The following PCDH9 variants were observed in gnomAD, a reference collection of about 807,000 sequenced individuals.
PCDH9 encodes the protein protocadherin-9.
In PCDH9, 24 loss-of-function variants were observed where a neutral mutation model predicts 70.6. That is an observed-to-expected ratio of 0.34 (90% CI 0.25 to 0.48). The LOEUF is 0.48. Among genes scored for constraint, PCDH9 ranks in the 20% least tolerant of loss-of-function variants. The pLI is 0.99. For synonymous variants in PCDH9, 562 were observed against 558.5 expected (o/e 1.01, Z -0.09); for missense variants, 1,281 against 1,503.6 (o/e 0.85, Z 2.45).
At chr13:66,748,934 C>T (rs890750828) in intron 3 of PCDH9, among the ~76,000 whole-genome samples, 29 of 152,144 alleles carry the variant, frequency 1.9e-4, no homozygotes, top group Admixed American at 1.4e-3. Flanking sequence ...AAGTCCCCCA[C>T]CCCATGCTGT....
intron 3 of PCDH9, among the ~76,000 whole-genome samples, chr13:66,780,901 G>C (rs1393806497): frequency 6.6e-6 from 1 of 152,072 alleles, no homozygotes; most frequent in Non-Finnish European, 1.5e-5. Context: ...TTAACCTGCT[G>C]TTTAGAAGAC....
intron 3 of PCDH9, among the ~76,000 whole-genome samples, chr13:66,885,365 C>G (rs1274827719): frequency 6.6e-6 from 1 of 152,080 alleles, no homozygotes; most frequent in East Asian, 1.9e-4. Flanking sequence ...AAATATGTAT[C>G]TCTAAAATGC....
At chr13:66,576,957 CTATA>C (rs1458755905) in intron 4 of PCDH9, among the ~76,000 whole-genome samples, 2 of 151,766 alleles carry the variant, frequency 1.3e-5, no homozygotes, top group Non-Finnish European at 2.9e-5. Flanking sequence ...TAATATCAAA[CTATA>C]TATGTCTGTG....
intron 2 of PCDH9, among the ~76,000 whole-genome samples, chr13:67,105,585 T>C (rs1365516955): frequency 6.6e-6 from 1 of 152,138 alleles, no homozygotes; most frequent in Non-Finnish European, 1.5e-5. Flanking sequence ...ACATGATTTT[T>C]ATGAGTGATA....
intron 4 of PCDH9, among the ~76,000 whole-genome samples, chr13:66,581,249 A>T (rs1453860218): frequency 2.6e-5 from 4 of 152,178 alleles, no homozygotes; most frequent in Non-Finnish European, 5.9e-5. Context: ...AAGCAAATCA[A>T]AGTTTTAAAA....
At chr13:67,107,692 T>C (rs1188053545) in intron 2 of PCDH9, among the ~76,000 whole-genome samples, 1 of 152,180 alleles carries the variant, frequency 6.6e-6, no homozygotes, top group Admixed American at 6.5e-5. Flanking sequence ...TCATTCTTCC[T>C]GGACATGAGA....
chr13:67,095,536 T>A (rs1266224220), intron 2 of PCDH9, among the ~76,000 whole-genome samples: 2 of 152,250 alleles, frequency 1.3e-5, no homozygotes, highest in East Asian at 3.9e-4. Flanking sequence ...GTTTGACAGG[T>A]ATGAAAATAT....
intron 2 of PCDH9, among the ~76,000 whole-genome samples, chr13:67,200,639 G>T (rs963513793): frequency 4.6e-5 from 7 of 151,970 alleles, no homozygotes; most frequent in African/African-American, 1.5e-4. Context: ...AGCACAAAAG[G>T]GTTTAACAGA....
intron 2 of PCDH9, chr13:67,212,577 G>A (rs1406084336): frequency 6.6e-6 from 1 of 152,066 alleles, no homozygotes; most frequent in East Asian, 1.9e-4. Context: ...CATATGACAA[G>A]GTCTTTGGCA....
At chr13:67,101,936 G>A (rs2086443870) in intron 2 of PCDH9, among the ~76,000 whole-genome samples, 1 of 152,142 alleles carries the variant, frequency 6.6e-6, no homozygotes, top group Non-Finnish European at 1.5e-5. Flanking sequence ...TTGAGTAATT[G>A]AAAATTTCTA....
intron 2 of PCDH9, among the ~76,000 whole-genome samples, chr13:67,104,567 G>C (rs1187044594): frequency 7.5e-6 from 1 of 133,586 alleles, no homozygotes; most frequent in Middle Eastern, 3.8e-3. Context: ...TTTTTTTTTT[G>C]AGACGGAGTC....
At chr13:66,685,461 AG>A (rs1352089734) in intron 3 of PCDH9, among the ~76,000 whole-genome samples, 1 of 152,214 alleles carries the variant, frequency 6.6e-6, no homozygotes, top group Non-Finnish European at 1.5e-5. Context: ...AGTTTGCTGC[AG>A]GGGTGGAGCC....
intron 2 of PCDH9, among the ~76,000 whole-genome samples, chr13:67,000,011 C>T (rs1434708131): frequency 5.9e-5 from 9 of 152,108 alleles, no homozygotes; most frequent in Middle Eastern, 3.4e-3. Flanking sequence ...TAAATCATGC[C>T]GCTATAAAGA....
chr13:66,427,840 G>T (rs971157991), intron 4 of PCDH9, among the ~76,000 whole-genome samples: 2 of 151,396 alleles, frequency 1.3e-5, no homozygotes, highest in Non-Finnish European at 3.0e-5. Flanking sequence ...TAAAGTGTTC[G>T]GTTAGTCATT....
At position 67,010,228 on chromosome 13, in the gene PCDH9, G is replaced by C. The variant is rs187401059; in HGVS notation, c.3037-106623C>G. On this transcript the variant is annotated intron_variant, in intron 2 of 4. Coordinates refer to ENST00000377865, the MANE Select transcript of PCDH9 (RefSeq NM_203487.3). ...TTGTTTTAAGATAAAACTGAACCTA[G>C]AAATGTTGATAAGTTCCTTAAAGTC... Among the ~76,000 whole-genome samples, 278 of 151,956 alleles carry C rather than the reference G, an allele frequency of 1.8e-3. 1 individual carries two copies. Among genetic ancestry groups the C allele is most frequent in the African/African-American group, 6.1e-3 (254 of 41,510 alleles).
At chr13:66,981,990 A>G (rs1350426384) in intron 2 of PCDH9, among the ~76,000 whole-genome samples, 1 of 152,162 alleles carries the variant, frequency 6.6e-6, no homozygotes. Flanking sequence ...GTAATCACCA[A>G]TGCTGGAGGT....
intron 4 of PCDH9, among the ~76,000 whole-genome samples, chr13:66,394,834 A>G (rs1957075312): frequency 1.3e-5 from 2 of 152,226 alleles, no homozygotes; most frequent in Admixed American, 1.3e-4. Context: ...ACAGGAGATG[A>G]CAGAGTATAG....
intron 2 of PCDH9, among the ~76,000 whole-genome samples, chr13:67,189,763 AG>A (rs2088859946): frequency 6.6e-6 from 1 of 152,048 alleles, no homozygotes; most frequent in African/African-American, 2.4e-5. Flanking sequence ...TGAAGGAGAA[AG>A]CCATTTGACA....
At chr13:66,846,927 T>C (rs2081222246) in intron 3 of PCDH9, among the ~76,000 whole-genome samples, 1 of 150,324 alleles carries the variant, frequency 6.7e-6, no homozygotes, top group South Asian at 2.1e-4. Flanking sequence ...ACAGAGTATA[T>C]CACTAAATCC....
Sources: gnomAD v4.1 joint callset for allele counts (sites outside exome capture counted in the v4.1 genomes callset) on GRCh38, gnomAD v4.1.1 for gene constraint, MANE v1.5 for transcripts, NCBI Gene and HGNC (gene_info 2026-07-23, HGNC 2026-07-21) for gene names.